PTBP2: variants seen among roughly 807,000 people sequenced by gnomAD.
PTBP2 encodes polypyrimidine tract-binding protein 2.
In PTBP2, 13 loss-of-function variants were observed where a neutral mutation model predicts 61.4. The ratio of observed to expected loss-of-function variants is 0.21; its 90% CI spans 0.14 to 0.34. PTBP2 has a LOEUF of 0.34. Ranked by LOEUF, PTBP2 falls within the 10% of genes least tolerant of loss-of-function variation. The pLI is 1.00. For missense variants in PTBP2, 405 were observed against 642.6 expected (o/e 0.63, Z 4.00); for synonymous variants, 215 against 218.5 (o/e 0.98, Z 0.14).
chr1:96,730,028 T>C (rs957480476), intron 2 of PTBP2, among the ~76,000 whole-genome samples: 1 of 152,150 alleles, frequency 6.6e-6, no homozygotes, highest in African/African-American at 2.4e-5. Context: ...CGCCCAGCCA[T>C]GATACTACAT....
At position 96,770,563 on chromosome 1, in the gene PTBP2, T is replaced by G. The variant is rs1317799753; in HGVS notation, c.289-145T>G. ...TGTATACCTAAACTTCAACAAGAGATTTCTAATTCTGCTTATCAGAACATT... is the reference window on the plus strand; with the variant it reads ...TGTATACCTAAACTTCAACAAGAGAGTTCTAATTCTGCTTATCAGAACATT... On this transcript the variant is annotated intron_variant, in intron 4 of 13. Transcript: ENST00000674951. 3.9e-6 allele frequency: 3 copies of G among 778,616 alleles called. No individual in the cohort carries two copies. In the Admixed American group the frequency reaches 9.0e-5, roughly 23 times the overall value. 48.2% of individuals were successfully genotyped at this position (778,616 alleles called of 1,614,324 possible). A position where few individuals can be genotyped will look rare whatever the true frequency, so the allele number is the denominator to read the frequency against.
chr1:96,804,397 A>T (rs1420912051), intron 8 of PTBP2, among the ~76,000 whole-genome samples: 1 of 151,152 alleles, frequency 6.6e-6, no homozygotes, highest in African/African-American at 2.4e-5. Context: ...GCACTTGCGG[A>T]AAAAAGTGAA....
exon 14 of PTBP2, chr1:96,821,274 C>G (rs1309251970): frequency 2.0e-5 from 3 of 152,080 alleles, no homozygotes; most frequent in Non-Finnish European, 2.9e-5. Flanking sequence ...TCTCTCTACA[C>G]CATTGTGAAT....
chr1:96,745,720 C>G (rs972121401), intron 2 of PTBP2, among the ~76,000 whole-genome samples: 1 of 151,728 alleles, frequency 6.6e-6, no homozygotes, highest in Non-Finnish European at 1.5e-5. Flanking sequence ...TGTGAAAATA[C>G]CCATTTTATC....
chr1:96,793,020 C>T (rs17115756), intron 8 of PTBP2, among the ~76,000 whole-genome samples: 12,421 of 152,088 alleles, frequency 0.082, 569 homozygotes, highest in African/African-American at 0.1. Flanking sequence ...GCCATAGTAA[C>T]ACCAAACTAA....
In PTBP2 at chr1:96,770,825, C is replaced by T; in HGVS notation, c.406C>T (p.Leu136=). The change falls in exon 5 of 14, where the codon CTA becomes TTA. Residue 136 remains leucine, a synonymous_variant. Transcript: ENST00000674951. Reference sequence around the variant, plus strand: ...TATCCAGTACTCGAATCACAAAGAACTAAAGACAGATAATACATTAAACCA... The same window carrying T: ...TATCCAGTACTCGAATCACAAAGAATTAAAGACAGATAATACATTAAACCA... ...IYIQYSNHKE[L]KTDNTLNQRA... 4.4e-6 allele frequency: 7 copies of T among 1,582,910 alleles called. No homozygotes were observed. The highest frequency in any genetic ancestry group is 4.3e-6 in the Non-Finnish European group (5 of 1,152,068).
At chr1:96,818,785 C>G (rs891229624), downstream of PTBP2, 5 of 151,986 alleles carry the variant, frequency 3.3e-5, no homozygotes, top group Non-Finnish European at 7.4e-5. Context: ...AATAATTGAA[C>G]TGAAAAGGAA....
At chr1:96,770,256 C>A (rs756576522) in intron 4 of PTBP2, among the ~76,000 whole-genome samples, 1 of 151,774 alleles carries the variant, frequency 6.6e-6, no homozygotes, top group Non-Finnish European at 1.5e-5. Context: ...TAAATGATAC[C>A]ATTTAGAAGA....
chr1:96,744,314 A>G (rs1268422428), intron 2 of PTBP2, among the ~76,000 whole-genome samples: 2 of 152,012 alleles, frequency 1.3e-5, no homozygotes, highest in African/African-American at 2.4e-5. Flanking sequence ...ACTTCTTTAC[A>G]TATATATATA....
intron 2 of PTBP2, among the ~76,000 whole-genome samples, chr1:96,744,033 A>G (rs1653410823): frequency 6.6e-6 from 1 of 152,186 alleles, no homozygotes. Context: ...TCTACTAAAA[A>G]TACAAAAATT....
intron 8 of PTBP2, among the ~76,000 whole-genome samples, chr1:96,801,377 G>C (rs1454967768): frequency 6.6e-6 from 1 of 152,008 alleles, no homozygotes; most frequent in Non-Finnish European, 1.5e-5. Flanking sequence ...TGAATATTTG[G>C]TAGCATTTTA....
chr1:96,805,626 A>C (rs1276095333), intron 9 of PTBP2, among the ~76,000 whole-genome samples: 1 of 152,146 alleles, frequency 6.6e-6, no homozygotes. Context: ...CTGGTATGAA[A>C]TGTGGGAAGC....
chr1:96,739,857 C>T (rs988121357), intron 2 of PTBP2, among the ~76,000 whole-genome samples: 2 of 151,774 alleles, frequency 1.3e-5, no homozygotes, highest in Admixed American at 1.3e-4. Context: ...ATCTCCCGAC[C>T]TCGTGATCCG....
At chr1:96,761,817 G>A (rs1009201019) in intron 3 of PTBP2, among the ~76,000 whole-genome samples, 4 of 152,086 alleles carry the variant, frequency 2.6e-5, no homozygotes, top group Admixed American at 6.5e-5. Flanking sequence ...TAGGACAATA[G>A]TGGAGGGAAG....
intron 7 of PTBP2, among the ~76,000 whole-genome samples, chr1:96,780,144 G>A (rs1658489502): frequency 6.6e-6 from 1 of 152,002 alleles, no homozygotes; most frequent in Non-Finnish European, 1.5e-5. Context: ...AGGCATAGAT[G>A]TTTAGTTATC....
chr1:96,768,033 A>G (rs2101002150), intron 3 of PTBP2, among the ~76,000 whole-genome samples: 1 of 152,244 alleles, frequency 6.6e-6, no homozygotes, highest in East Asian at 1.9e-4. Flanking sequence ...TGACTTAAGT[A>G]TAGCTTGAGT....
At chr1:96,816,431 T>G (rs1222536003), downstream of PTBP2, 1 of 151,308 alleles carries the variant, frequency 6.6e-6, no homozygotes, top group Non-Finnish European at 1.5e-5. Flanking sequence ...ATAGAGGTCT[T>G]AACTTGAATA....
intron 2 of PTBP2, among the ~76,000 whole-genome samples, chr1:96,731,208 A>G (rs1218630656): frequency 1.3e-5 from 2 of 152,192 alleles, no homozygotes; most frequent in East Asian, 3.8e-4. Context: ...GAATAGAAGT[A>G]AAAATGCTGT....
At chr1:96,791,184 T>G (rs1289515161) in intron 8 of PTBP2, among the ~76,000 whole-genome samples, 7 of 152,206 alleles carry the variant, frequency 4.6e-5, no homozygotes, top group Non-Finnish European at 8.8e-5. Flanking sequence ...GTGGTTTTCT[T>G]AAATACATTA....
Sources: gnomAD v4.1 joint callset for allele counts (sites outside exome capture counted in the v4.1 genomes callset) on GRCh38, gnomAD v4.1.1 for gene constraint, MANE v1.5 for transcripts, NCBI Gene and HGNC (gene_info 2026-07-23, HGNC 2026-07-21) for gene names.